MITF: variants seen among roughly 807,000 people sequenced by gnomAD.
MITF encodes the protein melanocyte inducing transcription factor.
A neutral mutation model predicts 60.5 loss-of-function variants in MITF; 17 were observed. The ratio of observed to expected loss-of-function variants is 0.28; its 90% CI spans 0.19 to 0.42. The LOEUF (loss-of-function observed/expected upper bound fraction) is 0.42, where lower values mean the gene tolerates loss of function less well. MITF is among the 10% of genes least tolerant of loss of function. The pLI, the probability that MITF is intolerant of heterozygous loss-of-function variation, is 1.00. For missense variants in MITF, 622 were observed against 683.5 expected (o/e 0.91, Z 1.00); for synonymous variants, 260 against 248.5 (o/e 1.05, Z -0.43).
At chr3:69,958,720 G>A (rs1029809593) in intron 8 of MITF, among the ~76,000 whole-genome samples, 2 of 152,046 alleles carry the variant, frequency 1.3e-5, no homozygotes, top group African/African-American at 4.8e-5. Context: ...TAGTGTTTAA[G>A]GAAACTGACT....
chr3:69,963,258 G>A (rs569233760), intron 9 of MITF, among the ~76,000 whole-genome samples: 6 of 152,278 alleles, frequency 3.9e-5, no homozygotes, highest in East Asian at 3.9e-4. Flanking sequence ...AGATGAGAAC[G>A]TACTTGTTGA....
At chr3:69,895,072 CA>C (rs1276526527) in intron 2 of MITF, among the ~76,000 whole-genome samples, 1 of 152,176 alleles carries the variant, frequency 6.6e-6, no homozygotes, top group African/African-American at 2.4e-5. Context: ...CCTGGACTTT[CA>C]GTGAATTATC....
intron 1 of MITF, among the ~76,000 whole-genome samples, chr3:69,794,208 C>G (rs1316619620): frequency 6.6e-6 from 1 of 152,166 alleles, no homozygotes; most frequent in Non-Finnish European, 1.5e-5. Flanking sequence ...TAATCTTTTT[C>G]TGTGAAAAGG....
intron 3 of MITF, chr3:69,938,315 C>T: frequency 1.3e-6 from 2 of 1,543,308 alleles, no homozygotes; most frequent in Non-Finnish European, 1.8e-6. Context: ...CTTCTTCTTC[C>T]TTAGCTGAGT....
At chr3:69,923,642 TCTC>T (rs1256359699) in intron 2 of MITF, among the ~76,000 whole-genome samples, 1 of 152,168 alleles carries the variant, frequency 6.6e-6, no homozygotes, top group Non-Finnish European at 1.5e-5. Context: ...TTTTAATTCT[TCTC>T]CTAATTATGA....
At chr3:69,873,649 G>A (rs2064287467) in intron 1 of MITF, among the ~76,000 whole-genome samples, 1 of 152,120 alleles carries the variant, frequency 6.6e-6, no homozygotes, top group African/African-American at 2.4e-5. Flanking sequence ...AGTATCAGAA[G>A]GACTCTTCAG....
intron 2 of MITF, among the ~76,000 whole-genome samples, chr3:69,917,376 C>CTT (rs3044646): frequency 0.029 from 3,318 of 113,228 alleles, 116 homozygotes; most frequent in East Asian, 0.062. Context: ...CAGTTGCCTC[C>CTT]TTTTTTTTTT....
At chr3:69,938,100 CT>C (rs775237897) in intron 3 of MITF, 51 bp downstream of exon 3, 64 of 1,561,036 alleles carry the variant, frequency 4.1e-5, no homozygotes, top group Non-Finnish European at 5.4e-5. Flanking sequence ...AATAACTTGT[CT>C]GTTGAATATG....
chr3:69,927,668 C>A (rs2065624769), intron 2 of MITF, among the ~76,000 whole-genome samples: 1 of 152,186 alleles, frequency 6.6e-6, no homozygotes, highest in South Asian at 2.1e-4. Flanking sequence ...CAACTGAGGG[C>A]TGTTTTGTCC....
At chr3:69,845,813 T>C in intron 1 of MITF, among the ~76,000 whole-genome samples, 1 of 152,200 alleles carries the variant, frequency 6.6e-6, no homozygotes, top group Non-Finnish European at 1.5e-5. Context: ...GTTCTACTCT[T>C]TGGCAGGCAC....
At chr3:69,754,899 G>A (rs748890901) in intron 1 of MITF, among the ~76,000 whole-genome samples, 5 of 152,042 alleles carry the variant, frequency 3.3e-5, no homozygotes, top group South Asian at 2.1e-4. Context: ...AAGAAAAAAC[G>A]ACTCAAAGGC....
chr3:69,858,785 T>C lies in MITF; in HGVS notation c.105-20349T>C, dbSNP rs188155038. Among the ~76,000 whole-genome samples the C allele has an allele frequency of 3.3e-5, 5 of 152,306 alleles. No individual in the cohort carries two copies. In the East Asian group the frequency reaches 9.6e-4, roughly 29 times the overall value. ...TGAATCTGGACTACCTCTTAAGATA[T>C]CAAAATTCAAAACTACCTTAAGCAT... On this transcript the variant is annotated intron_variant, in intron 1 of 9. Transcript: ENST00000352241.
chr3:69,760,100 T>C (rs774387672), intron 1 of MITF, among the ~76,000 whole-genome samples: 16 of 152,200 alleles, frequency 1.1e-4, no homozygotes, highest in East Asian at 1.9e-4. Context: ...TTTTATCAGT[T>C]TGTTTGCCAA....
chr3:69,920,930 C>G (rs1318978363), intron 2 of MITF, among the ~76,000 whole-genome samples: 1 of 152,172 alleles, frequency 6.6e-6, no homozygotes, highest in Non-Finnish European at 1.5e-5. Context: ...TGCAGTGGCT[C>G]GACCTCGGCT....
intron 1 of MITF, among the ~76,000 whole-genome samples, chr3:69,746,074 G>A (rs1040804678): frequency 2.6e-5 from 4 of 152,146 alleles, no homozygotes; most frequent in African/African-American, 4.8e-5. Context: ...TGTTCAAATC[G>A]TACTATGCAG....
intron 1 of MITF, among the ~76,000 whole-genome samples, chr3:69,763,320 C>A (rs2062238195): frequency 6.6e-6 from 1 of 152,152 alleles, no homozygotes; most frequent in Non-Finnish European, 1.5e-5. Flanking sequence ...CTCTAGTCTT[C>A]ATATGTAAGG....
rs558256633 is a variant in MITF, at chr3:69,849,243, C to T, written c.105-29891C>T. 1.4e-4 allele frequency among the ~76,000 whole-genome samples: 21 copies of T among 152,170 alleles called. No individual in the cohort carries two copies. In the South Asian group the frequency reaches 4.2e-3, roughly 30 times the overall value. ...CCTCCCAAAGTGCTGGGATTACAGG[C>T]GTGAGCCACCGCGCCCGGCCGGGCA... is the stretch of plus-strand genomic sequence containing the variant. On this transcript the variant is annotated intron_variant, in intron 1 of 9. Transcript: ENST00000352241.
At chr3:69,927,515 A>G (rs572253454) in intron 2 of MITF, among the ~76,000 whole-genome samples, 2 of 152,330 alleles carry the variant, frequency 1.3e-5, no homozygotes, top group East Asian at 3.9e-4. Context: ...CTGCACATGT[A>G]TCCCAGAACT....
intron 1 of MITF, among the ~76,000 whole-genome samples, chr3:69,816,910 T>C (rs1030393327): frequency 6.6e-6 from 1 of 152,126 alleles, no homozygotes; most frequent in Non-Finnish European, 1.5e-5. Context: ...TGTTACAAAG[T>C]GAAAGTGCTG....
Sources: gnomAD v4.1 joint callset for allele counts (sites outside exome capture counted in the v4.1 genomes callset) on GRCh38, gnomAD v4.1.1 for gene constraint, MANE v1.5 for transcripts, NCBI Gene and HGNC (gene_info 2026-07-23, HGNC 2026-07-21) for gene names.